ADH1C: variants seen among roughly 807,000 people sequenced by gnomAD.
ADH1C encodes alcohol dehydrogenase 1C.
A neutral mutation model predicts 35.0 loss-of-function variants in ADH1C; 26 were observed. The ratio of observed to expected loss-of-function variants is 0.74; its 90% CI spans 0.54 to 1.03. ADH1C has a LOEUF of 1.03. ADH1C is among the 50% of genes least tolerant of loss of function. The pLI, the probability that ADH1C is intolerant of heterozygous loss-of-function variation, is 0.00. For synonymous variants in ADH1C, 170 were observed against 169.3 expected (o/e 1.00, Z -0.03); for missense variants, 413 against 465.4 (o/e 0.89, Z 1.04).
chr4:99,342,010 C>CAAA (rs33982136), intron 6 of ADH1C, among the ~76,000 whole-genome samples: 4 of 138,626 alleles, frequency 2.9e-5, no homozygotes, highest in African/African-American at 1.1e-4. Flanking sequence ...GACCCTGTCT[C>CAAA]AAAAAAAAAA....
intron 1 of ADH1C, among the ~76,000 whole-genome samples, chr4:99,348,575 G>A (rs762953357): frequency 6.8e-6 from 1 of 146,320 alleles, no homozygotes; most frequent in Non-Finnish European, 1.5e-5. Flanking sequence ...TGAATAATGC[G>A]GCAATAAACA....
chr4:99,347,215 T>G, intron 2 of ADH1C, 71 bp from the exon 3 acceptor site: 1 of 1,528,990 alleles, frequency 6.5e-7, no homozygotes, highest in Non-Finnish European at 8.8e-7. Context: ...ACAAACCCAA[T>G]TTTCTAAAAT....
chr4:99,345,156 C>T (rs1383743451), intron 4 of ADH1C, 23 bp downstream of exon 4: 1 of 1,613,532 alleles, frequency 6.2e-7, no homozygotes, highest in African/African-American at 1.3e-5. Flanking sequence ...AAAGTCTGTG[C>T]AAAGAAAGCA....
rs748191499 is a variant in ADH1C, at chr4:99,343,000, A to G, written c.623T>C (p.Val208Ala). The change falls in exon 6 of 9, where the codon GTT (valine) becomes GCT (alanine). Residue 208 changes from valine (V) to alanine (A), a missense_variant. Transcript: ENST00000515683. ...VFGLGGVGLS[V>A]VMGCKAAGAA... ...TCCAGCTGCTTTACAGCCCATAACAACAGATAGGCCGACCCCTCCCAGGCC... is the reference window on the plus strand; with the variant it reads ...TCCAGCTGCTTTACAGCCCATAACAGCAGATAGGCCGACCCCTCCCAGGCC... 1.7e-5 allele frequency: 28 copies of G among 1,614,132 alleles called. No individual in the cohort carries two copies. In the East Asian group the frequency reaches 2.5e-4, roughly 14 times the overall value.
chr4:99,348,294 A>G (rs1318704703), intron 1 of ADH1C, among the ~76,000 whole-genome samples: 4 of 120,476 alleles, frequency 3.3e-5, no homozygotes, highest in East Asian at 2.6e-4. Context: ...ACCCCACAAT[A>G]GTCCCCAGAG....
Position 99,343,024 on chromosome 4 carries a change from C to G in ADH1C, c.599G>C (p.Gly200Ala). The G allele has an allele frequency of 6.2e-7, 1 of 1,614,180 alleles. No homozygotes were observed. The highest frequency in any genetic ancestry group is 8.5e-7 in the Non-Finnish European group (1 of 1,180,022). Residue 200 changes from glycine to alanine, a missense_variant, in exon 6 of 9, where the codon GGC becomes GCC. Coordinates refer to ENST00000515683, the MANE Select transcript of ADH1C (RefSeq NM_000669.5). The stretch of plus-strand genomic sequence containing the variant: ...AACAGATAGGCCGACCCCTCCCAGG[C>G]CAAACACAGCACAGGTAGACCCTGG... Reference protein sequence around the residue: ...VTPGSTCAVFGLGGVGLSVVM... With the variant: ...VTPGSTCAVFALGGVGLSVVM...
At chr4:99,348,811 C>T (rs1174229045) in intron 1 of ADH1C, among the ~76,000 whole-genome samples, 8 of 152,132 alleles carry the variant, frequency 5.3e-5, no homozygotes, top group South Asian at 2.1e-4. Context: ...TTTTTAATGA[C>T]TGCCATTCTA....
chr4:99,344,985 G>T lies in ADH1C; in HGVS notation c.444C>A (p.Ser148=). 3.7e-6 allele frequency: 6 copies of T among 1,614,172 alleles called. No individual in the cohort carries two copies. Among genetic ancestry groups the T allele is most frequent in the Non-Finnish European group, 3.4e-6 (4 of 1,180,040 alleles). ...CATTCTCATCCACCACTGTGTACTG[G>T]GAGAAGGTGCTGACGCCGACGAAGT... The part of the protein sequence containing the change: ...IHHFVGVSTF[S]QYTVVDENAV... Residue 148 remains serine, a synonymous_variant, in exon 5 of 9, where the codon TCC becomes TCA. Transcript: ENST00000515683.
intron 5 of ADH1C, among the ~76,000 whole-genome samples, chr4:99,344,087 A>C (rs1734472713): frequency 1.3e-5 from 2 of 152,204 alleles, no homozygotes; most frequent in Middle Eastern, 3.2e-3. Flanking sequence ...GACATTCAGC[A>C]GGAGATTTGT....
chr4:99,352,609 G>T (rs189082966), intron 1 of ADH1C, 49 bp downstream of exon 1: 5 of 1,480,760 alleles, frequency 3.4e-6, no homozygotes, highest in East Asian at 4.6e-5. Flanking sequence ...TCCTTTATTT[G>T]TTATATTGAA....
intron 6 of ADH1C, among the ~76,000 whole-genome samples, chr4:99,341,035 A>T (rs1328933395): frequency 1.3e-5 from 2 of 152,232 alleles, no homozygotes; most frequent in African/African-American, 4.8e-5. Flanking sequence ...TTCTTAGGCA[A>T]TGTGTGAGTT....
Position 99,340,673 on chromosome 4 carries a change from G to C in ADH1C, c.866C>G (p.Thr289Arg), listed in dbSNP as rs779588834. The change falls in exon 7 of 9, where the codon ACA (threonine) becomes AGA (arginine). Residue 289 changes from threonine to arginine, a missense_variant. Physicochemically the swap from Thr to Arg is moderately conservative, Grantham distance 71 (BLOSUM62 -1). Coordinates refer to ENST00000515683, the MANE Select transcript of ADH1C (RefSeq NM_000669.5). Reference protein sequence around the residue: ...SLLCCHEACGTSVIVGVPPDS... With the variant: ...SLLCCHEACGRSVIVGVPPDS... The stretch of plus-strand genomic sequence containing the variant: ...AGGAGGTACCCCTACAATGACACTT[G>C]TGCCACATGCCTCATGACAACATAA... 5.0e-6 allele frequency: 8 copies of C among 1,612,966 alleles called. No individual in the cohort carries two copies. Among genetic ancestry groups the C allele is most frequent in the Non-Finnish European group, 6.8e-6 (8 of 1,180,020 alleles).
At chr4:99,340,987 C>T (rs1734402438) in intron 6 of ADH1C, among the ~76,000 whole-genome samples, 1 of 152,202 alleles carries the variant, frequency 6.6e-6, no homozygotes, top group South Asian at 2.1e-4. Context: ...TCATTACAAA[C>T]ATATATAAAG....
In ADH1C at chr4:99,346,088, A is replaced by G. The variant is rs180720971; in HGVS notation, c.260-822T>C. Among the ~76,000 whole-genome samples the G allele has an allele frequency of 2.2e-4, 34 of 152,290 alleles. No homozygotes were observed. The East Asian group carries it at 5.8e-3, about 26-fold the overall frequency. ...CAGTTTATTTTATTATTTTCTTTTCACAGTCTAAATTAGTACTTGGTAAGT... is the reference window on the plus strand; with the variant it reads ...CAGTTTATTTTATTATTTTCTTTTCGCAGTCTAAATTAGTACTTGGTAAGT... On this transcript the variant is annotated intron_variant, in intron 3 of 8. Transcript: ENST00000515683.
intron 1 of ADH1C, among the ~76,000 whole-genome samples, chr4:99,352,384 A>T (rs1163374328): frequency 1.3e-5 from 2 of 152,214 alleles, no homozygotes; most frequent in Non-Finnish European, 2.9e-5. Context: ...AATGTAGGAA[A>T]TAAAGACAAT....
chr4:99,342,975 T>G lies in ADH1C; in HGVS notation c.648A>C (p.Gly216=). 6.2e-7 allele frequency: 1 copy of G among 1,614,210 alleles called. No individual in the cohort carries two copies. Among genetic ancestry groups the G allele is most frequent in the South Asian group, 1.1e-5 (1 of 91,080 alleles). The change falls in exon 6 of 9, where the codon GGA becomes GGC. Residue 216 remains glycine, a synonymous_variant. Coordinates refer to ENST00000515683, the MANE Select transcript of ADH1C (RefSeq NM_000669.5). ...TGTCCACAGCAATGATTCTGGCTGC[T>G]CCAGCTGCTTTACAGCCCATAACAA... ...LSVVMGCKAA[G]AARIIAVDIN... is the part of the protein sequence containing the mutation.
intron 5 of ADH1C, among the ~76,000 whole-genome samples, chr4:99,343,540 G>A (rs1017056533): frequency 6.6e-6 from 1 of 152,192 alleles, no homozygotes; most frequent in Non-Finnish European, 1.5e-5. Flanking sequence ...GCTACTCCAG[G>A]AGACTGAAAA....
chr4:99,350,711 C>G (rs1198037628), intron 1 of ADH1C, among the ~76,000 whole-genome samples: 1 of 152,196 alleles, frequency 6.6e-6, no homozygotes, highest in African/African-American at 2.4e-5. Context: ...ATATGAATTA[C>G]TTTTAAACCT....
At chr4:99,343,109 T>C (rs1189933596) in intron 5 of ADH1C, 54 bp from the exon 6 acceptor site, 12 of 1,589,362 alleles carry the variant, frequency 7.6e-6, no homozygotes, top group Admixed American at 3.5e-5. Context: ...TAGAAATTGC[T>C]TAAGCTTTAT....
Sources: gnomAD v4.1 joint callset for allele counts (sites outside exome capture counted in the v4.1 genomes callset) on GRCh38, gnomAD v4.1.1 for gene constraint, MANE v1.5 for transcripts, NCBI Gene and HGNC (gene_info 2026-07-23, HGNC 2026-07-21) for gene names.